DDX50: variants seen among roughly 807,000 people sequenced by gnomAD.
DDX50 encodes ATP-dependent RNA helicase DDX50.
A neutral mutation model predicts 94.8 loss-of-function variants in DDX50; 56 were observed. The ratio of observed to expected loss-of-function variants is 0.59; its 90% CI spans 0.48 to 0.74. DDX50 has a LOEUF of 0.74. Ranked by LOEUF, DDX50 falls within the 30% of genes least tolerant of loss-of-function variation. The pLI is 0.00. For missense variants in DDX50, 713 were observed against 881.2 expected, an observed-to-expected ratio of 0.81 and a Z score of 2.42; for synonymous variants, 264 against 295.4, an observed-to-expected ratio of 0.89 and a Z score of 1.09.
chr10:68,901,506 TG>T (rs780709879), intron 1 of DDX50, 35 bp downstream of exon 1: 1 of 1,544,030 alleles, frequency 6.5e-7, no homozygotes. Flanking sequence ...CCTTTTGGGC[TG>T]CGCCGGCTTG....
intron 8 of DDX50, among the ~76,000 whole-genome samples, chr10:68,929,017 CG>C (rs1842162530): frequency 6.6e-6 from 1 of 151,700 alleles, no homozygotes; most frequent in South Asian, 2.1e-4. Context: ...GGCGCGATCT[CG>C]GCTCACTGCA....
chr10:68,933,196 G>A (rs921587870), intron 8 of DDX50, among the ~76,000 whole-genome samples: 8 of 151,912 alleles, frequency 5.3e-5, no homozygotes, highest in Non-Finnish European at 1.0e-4. Flanking sequence ...AGCCTCCCAA[G>A]TAGCTGGAAT....
intron 8 of DDX50, among the ~76,000 whole-genome samples, chr10:68,930,691 C>A (rs1431608814): frequency 6.6e-6 from 1 of 152,138 alleles, no homozygotes; most frequent in Non-Finnish European, 1.5e-5. Context: ...GGGTCTCACT[C>A]TGTCCCCCAG....
At chr10:68,929,725 CTTTTT>C (rs35522934) in intron 8 of DDX50, among the ~76,000 whole-genome samples, 1 of 127,260 alleles carries the variant, frequency 7.9e-6, no homozygotes, top group Non-Finnish European at 1.7e-5. Context: ...CGCCTGGCCT[CTTTTT>C]TTTTTTTTTT....
intron 2 of DDX50, among the ~76,000 whole-genome samples, chr10:68,909,154 T>A (rs964322382): frequency 1.3e-5 from 2 of 152,146 alleles, no homozygotes; most frequent in Admixed American, 6.5e-5. Flanking sequence ...TAATTTTTTT[T>A]ATCATAAAAA....
intron 1 of DDX50, 112 bp from the exon 2 acceptor site, chr10:68,906,599 C>T: frequency 8.1e-7 from 1 of 1,233,874 alleles, no homozygotes; most frequent in Non-Finnish European, 1.1e-6. Context: ...GGCAGGTTTT[C>T]AAAGTAACTG....
At position 68,934,516 on chromosome 10, in the gene DDX50, C is replaced by T. The variant is rs987494651; in HGVS notation, c.1401+156C>T. On this transcript the variant is annotated intron_variant, in intron 9 of 14. Coordinates refer to ENST00000373585, the MANE Select transcript of DDX50 (RefSeq NM_024045.2). This position sits in a 1 kb window ranked among gnomAD's most constrained non-coding sequence, Gnocchi z 4.0. ...CTATTAAATTTATCAGATTCTGATACTTTTGCAGATGATTAACTCTATTGT... is the reference window on the plus strand; with the variant it reads ...CTATTAAATTTATCAGATTCTGATATTTTTGCAGATGATTAACTCTATTGT... Among the ~76,000 whole-genome samples, 1 of 152,166 alleles carries T rather than the reference C, an allele frequency of 6.6e-6. No individual in the cohort carries two copies. The highest frequency in any genetic ancestry group is 2.4e-5 in the African/African-American group (1 of 41,452).
intron 2 of DDX50, among the ~76,000 whole-genome samples, chr10:68,909,938 G>A (rs201543976): frequency 3.3e-5 from 5 of 152,072 alleles, no homozygotes; most frequent in African/African-American, 9.7e-5. Flanking sequence ...CTGGGATTAC[G>A]GGCATGAGCC....
Position 68,941,104 on chromosome 10 carries a change from T to A in DDX50, c.1800T>A (p.Asp600Glu). The part of the protein sequence containing the change: ...MTLESLEEIQ[D>E]VSCAWKELNR... ...TGGAAAGCCTAGAGGAAATACAGGA[T>A]GTCAGCTGTGCTTGGAAAGAACTTA... The change falls in exon 13 of 15, where the codon GAT (aspartate) becomes GAA (glutamate). Residue 600 changes from aspartate (D) to glutamate (E), a missense_variant. By Grantham distance (45) the Asp-to-Glu change is conservative. Coordinates refer to ENST00000373585, the MANE Select transcript of DDX50 (RefSeq NM_024045.2). The A allele has an allele frequency of 6.2e-7, 1 of 1,612,608 alleles. No homozygotes were observed. Among genetic ancestry groups the A allele is most frequent in the Non-Finnish European group, 8.5e-7 (1 of 1,179,952 alleles).
chr10:68,901,543 T>A, intron 1 of DDX50, 72 bp downstream of exon 1: 5 of 1,460,326 alleles, frequency 3.4e-6, no homozygotes, highest in Non-Finnish European at 3.7e-6. Context: ...TGTCTGTCCC[T>A]GATGATGGCC....
At chr10:68,906,620 T>C (rs567490414) in intron 1 of DDX50, 91 bp from the exon 2 acceptor site, 2 of 1,406,600 alleles carry the variant, frequency 1.4e-6, no homozygotes, top group South Asian at 1.3e-5. Context: ...TAGATTGAGC[T>C]GAACTGGTGG....
intron 12 of DDX50, among the ~76,000 whole-genome samples, chr10:68,940,501 C>T (rs1185029885): frequency 6.6e-6 from 1 of 151,872 alleles, no homozygotes; most frequent in Admixed American, 6.6e-5. Context: ...CTCACTGCAA[C>T]CTCTGCCTCC....
At chr10:68,938,485 G>A (rs563411585) in intron 12 of DDX50, among the ~76,000 whole-genome samples, 89 of 152,290 alleles carry the variant, frequency 5.8e-4, no homozygotes, top group Middle Eastern at 6.8e-3. Flanking sequence ...GTGAGTGAGC[G>A]AACCTGGTCC....
intron 7 of DDX50, among the ~76,000 whole-genome samples, chr10:68,918,992 A>G (rs1841876505): frequency 1.3e-5 from 2 of 152,218 alleles, no homozygotes; most frequent in Non-Finnish European, 2.9e-5. Flanking sequence ...AGAGACGCAC[A>G]TACTTACCAT....
chr10:68,909,648 G>A lies in DDX50; in HGVS notation c.385-659G>A, dbSNP rs552776692. ...CCCAGCAGTTTGGAGGCCAAGGTAG[G>A]AGGATCTTTTTTTTTTTCTTGTTCT... is the stretch of plus-strand genomic sequence containing the variant. On this transcript the variant is annotated intron_variant, in intron 2 of 14. Coordinates refer to ENST00000373585, the MANE Select transcript of DDX50 (RefSeq NM_024045.2). Among the ~76,000 whole-genome samples, 18 of 152,148 alleles carry A rather than the reference G, an allele frequency of 1.2e-4. No homozygotes were observed. In the East Asian group the frequency reaches 2.7e-3, roughly 23 times the overall value.
chr10:68,938,963 T>C (rs957898304), intron 12 of DDX50, among the ~76,000 whole-genome samples: 19 of 152,224 alleles, frequency 1.2e-4, no homozygotes, highest in African/African-American at 4.3e-4. Context: ...TGTCCGAATC[T>C]CTTCAAGCAT....
intron 12 of DDX50, among the ~76,000 whole-genome samples, chr10:68,937,586 T>TA (rs1421724439): frequency 6.8e-6 from 1 of 146,642 alleles, no homozygotes; most frequent in Non-Finnish European, 1.5e-5. Context: ...CTTTATAAGT[T>TA]TTTTTTTTTT....
rs1163480851 is a variant in DDX50, at chr10:68,941,168, A to G, written c.1864A>G (p.Arg622Gly). 6 of 1,612,870 alleles carry G rather than the reference A, an allele frequency of 3.7e-6. No individual in the cohort carries two copies. The African/African-American group carries it at 8.0e-5, about 22-fold the overall frequency. Residue 622 changes from arginine to glycine, a missense_variant, in exon 13 of 15, where the codon AGA becomes GGA. By Grantham distance (125) the Arg-to-Gly change is moderately radical (BLOSUM62 -2). Transcript: ENST00000373585. ...LSSNAVSQIT[R>G]MCLLKGNMGV... ...TAGTAATGCAGTGTCTCAGATTACC[A>G]GAATGTGCCTCCTGAAAGGAAATAT...
intron 13 of DDX50, among the ~76,000 whole-genome samples, chr10:68,941,408 T>C (rs1842550860): frequency 6.6e-6 from 1 of 152,202 alleles, no homozygotes; most frequent in African/African-American, 2.4e-5. Flanking sequence ...GACTATCTAA[T>C]ACCCAAATTA....
Sources: allele counts gnomAD v4.1 joint callset (sites outside exome capture counted in the v4.1 genomes callset), GRCh38; gene constraint gnomAD v4.1.1; non-coding constraint Gnocchi (gnomAD v3.1); transcripts MANE v1.5; gene names NCBI Gene and HGNC (gene_info 2026-07-23, HGNC 2026-07-21).